The following LIMCH1 variants were observed in gnomAD, a reference collection of about 807,000 sequenced individuals.
LIMCH1 encodes LIM and calponin homology domains 1.
Under a neutral mutation model 176.5 loss-of-function variants are expected in LIMCH1, and 113 were observed. The observed-to-expected ratio is 0.64, with a 90% CI of 0.55 to 0.75. The LOEUF (loss-of-function observed/expected upper bound fraction) is 0.75. Ranked by LOEUF, LIMCH1 falls within the 30% of genes least tolerant of loss-of-function variation. The pLI is 0.00. For synonymous variants in LIMCH1, 619 were observed against 645.9 expected (o/e 0.96, Z 0.63); for missense variants, 1,674 against 1,814.9 (o/e 0.92, Z 1.41).
intron 13 of LIMCH1, among the ~76,000 whole-genome samples, chr4:41,634,704 CTG>C (rs1172456656): frequency 6.6e-6 from 1 of 152,202 alleles, no homozygotes; most frequent in Non-Finnish European, 1.5e-5. Context: ...GTAGCGTTTC[CTG>C]TGTGTCTGCT....
intron 13 of LIMCH1, among the ~76,000 whole-genome samples, chr4:41,638,250 T>A (rs535307980): frequency 6.6e-6 from 1 of 152,302 alleles, no homozygotes; most frequent in East Asian, 1.9e-4. Flanking sequence ...ACTTTATGGA[T>A]CTAAATTATC....
At chr4:41,451,361 G>C (rs1293157170) in intron 1 of LIMCH1, among the ~76,000 whole-genome samples, 1 of 151,734 alleles carries the variant, frequency 6.6e-6, no homozygotes, top group Non-Finnish European at 1.5e-5. Context: ...CCTGACCTCA[G>C]GTAATCTGCC....
chr4:41,588,603 C>T (rs1435989413), intron 1 of LIMCH1, among the ~76,000 whole-genome samples: 2 of 152,188 alleles, frequency 1.3e-5, no homozygotes, highest in Non-Finnish European at 1.5e-5. Flanking sequence ...GGGAATCAGA[C>T]AGAGATCACA....
At chr4:41,599,569 A>C (rs1454475372) in intron 2 of LIMCH1, among the ~76,000 whole-genome samples, 1 of 152,252 alleles carries the variant, frequency 6.6e-6, no homozygotes, top group Non-Finnish European at 1.5e-5. Context: ...TTCTTGGAGC[A>C]GAATGTCACA....
intron 2 of LIMCH1, among the ~76,000 whole-genome samples, chr4:41,514,066 G>C (rs560369417): frequency 3.3e-4 from 36 of 108,112 alleles, no homozygotes; most frequent in Non-Finnish European, 6.7e-4. Flanking sequence ...GACAACAAAA[G>C]TTGTAAATCG....
chr4:41,561,569 G>A (rs2082068693), intron 1 of LIMCH1, among the ~76,000 whole-genome samples: 1 of 152,180 alleles, frequency 6.6e-6, no homozygotes, highest in Admixed American at 6.6e-5. Flanking sequence ...TGGTTTTCAA[G>A]GGGGAAGTTT....
rs146026008 is a variant in LIMCH1, at chr4:41,625,396, G to A, written c.726-1312G>A. Among the ~76,000 whole-genome samples the A allele has an allele frequency of 2.0e-3, 312 of 152,270 alleles. 1 individual carries two copies. The highest frequency in any genetic ancestry group is 7.1e-3 in the African/African-American group (294 of 41,560). ...TAAGTATTTTGATACCTAGACACCTGTGAATACAATCCTACATATCTACCT... is the reference window on the plus strand; with the variant it reads ...TAAGTATTTTGATACCTAGACACCTATGAATACAATCCTACATATCTACCT... On this transcript the variant is annotated intron_variant, in intron 7 of 31. Transcript: ENST00000503057.
chr4:41,609,756 T>C (rs936211859), intron 4 of LIMCH1: 4 of 411,276 alleles, frequency 9.7e-6, no homozygotes, highest in African/African-American at 8.2e-5. Flanking sequence ...CACAAGGGAC[T>C]GAGATTCTAG....
chr4:41,463,702 C>T (rs547762291), intron 1 of LIMCH1, among the ~76,000 whole-genome samples: 1 of 152,028 alleles, frequency 6.6e-6, no homozygotes, highest in South Asian at 2.1e-4. Flanking sequence ...CAGCACCCCC[C>T]GAGCAGCTGG....
intron 1 of LIMCH1, among the ~76,000 whole-genome samples, chr4:41,416,118 G>T (rs946800438): frequency 2.6e-5 from 4 of 152,174 alleles, no homozygotes; most frequent in Non-Finnish European, 4.4e-5. Context: ...TCAAGGTGTG[G>T]CTGTAGGCTT....
chr4:41,415,921 G>C (rs2059891827), intron 1 of LIMCH1, among the ~76,000 whole-genome samples: 1 of 151,904 alleles, frequency 6.6e-6, no homozygotes, highest in Admixed American at 6.6e-5. Flanking sequence ...AGGTTGCAGT[G>C]AGCCAAGATC....
intron 14 of LIMCH1, among the ~76,000 whole-genome samples, chr4:41,641,886 A>G (rs1032087796): frequency 6.6e-6 from 1 of 152,184 alleles, no homozygotes; most frequent in Admixed American, 6.5e-5. Flanking sequence ...TTCTCCTTTT[A>G]TTTAACTAAC....
intron 1 of LIMCH1, among the ~76,000 whole-genome samples, chr4:41,378,006 A>C (rs532477365): frequency 1.3e-5 from 2 of 152,228 alleles, no homozygotes; most frequent in East Asian, 3.8e-4. Flanking sequence ...TACACACTTA[A>C]GTCATAGCAC....
chr4:41,573,699 CCTT>C (rs2083946467), intron 1 of LIMCH1, among the ~76,000 whole-genome samples: 3 of 151,724 alleles, frequency 2.0e-5, no homozygotes, highest in East Asian at 1.9e-4. Context: ...TGCACATAAA[CCTT>C]CTTTTTTTCC....
chr4:41,539,749 G>T (rs903209534), intron 1 of LIMCH1, among the ~76,000 whole-genome samples: 1 of 152,144 alleles, frequency 6.6e-6, no homozygotes, highest in Non-Finnish European at 1.5e-5. Context: ...CTATAATAAA[G>T]TTTAAAGGAT....
intron 1 of LIMCH1, among the ~76,000 whole-genome samples, chr4:41,448,368 A>G (rs2063494894): frequency 6.6e-6 from 1 of 152,176 alleles, no homozygotes; most frequent in African/African-American, 2.4e-5. Context: ...CGAAGACTCA[A>G]CCACAGCTTT....
chr4:41,597,128 G>T (rs957111883), intron 1 of LIMCH1, among the ~76,000 whole-genome samples: 5 of 151,974 alleles, frequency 3.3e-5, no homozygotes, highest in Non-Finnish European at 7.4e-5. Context: ...GGCCTTCGAG[G>T]CGTCTATGAT....
chr4:41,497,345 A>G (rs2154177065), intron 2 of LIMCH1, among the ~76,000 whole-genome samples: 1 of 151,910 alleles, frequency 6.6e-6, no homozygotes, highest in Middle Eastern at 3.4e-3. Context: ...CATCATTTTC[A>G]TCAAACAGAA....
At position 41,606,860 on chromosome 4, in the gene LIMCH1, G is replaced by T. The variant is rs186678689; in HGVS notation, c.9+856G>T. On this transcript the variant is annotated intron_variant, in intron 4 of 31. Transcript: ENST00000503057. The stretch of plus-strand genomic sequence containing the variant: ...GTCGCCCAGGCTGGAGTGCAGTGGC[G>T]CAATCTCAGCTGACTGCAACGTCCG... 5.8e-4 allele frequency among the ~76,000 whole-genome samples: 88 copies of T among 152,230 alleles called. 2 individuals are homozygous for T. Among genetic ancestry groups the T allele is most frequent in the Admixed American group, 5.2e-3 (79 of 15,288 alleles).
Sources: gnomAD v4.1 joint callset for allele counts (sites outside exome capture counted in the v4.1 genomes callset) on GRCh38, gnomAD v4.1.1 for gene constraint, MANE v1.5 for transcripts, NCBI Gene and HGNC (gene_info 2026-07-23, HGNC 2026-07-21) for gene names.